Variants in MAF observed in about 807,000 individuals in gnomAD.
The protein encoded by MAF is MAF bZIP transcription factor.
In MAF, 10 loss-of-function variants were observed where a neutral mutation model predicts 22.0. That is an observed-to-expected ratio of 0.45 (90% CI 0.28 to 0.77). MAF has a LOEUF of 0.77. Among genes scored for constraint, MAF ranks in the 30% least tolerant of loss-of-function variants. The pLI, the probability that MAF is intolerant of heterozygous loss-of-function variation, is 0.12. For missense variants in MAF, 544 were observed against 548.4 expected, an observed-to-expected ratio of 0.99 and a Z score of 0.08; for synonymous variants, 337 against 255.8, an observed-to-expected ratio of 1.32 and a Z score of -3.03.
chr16:79,352,558 C>A, the MAF span, among the ~76,000 whole-genome samples: 2 of 152,192 alleles, frequency 1.3e-5, no homozygotes, highest in Non-Finnish European at 2.9e-5. Context: ...CTACATATCA[C>A]CCCAATAAAC....
the MAF span, among the ~76,000 whole-genome samples, chr16:79,539,340 TA>T: frequency 6.6e-6 from 1 of 152,122 alleles, no homozygotes; most frequent in African/African-American, 2.4e-5. Context: ...CTGTATCTGC[TA>T]AAATTACAGA....
downstream of MAF, among the ~76,000 whole-genome samples, chr16:79,581,402 G>T (rs1043700721): frequency 6.6e-6 from 1 of 152,152 alleles, no homozygotes; most frequent in Non-Finnish European, 1.5e-5. Flanking sequence ...ACTTTGCAGA[G>T]GGGGGAGTCA....
the MAF span, among the ~76,000 whole-genome samples, chr16:79,252,349 T>C: frequency 1.3e-5 from 2 of 148,766 alleles, no homozygotes; most frequent in South Asian, 2.1e-4. Flanking sequence ...ATATACTTTT[T>C]GTGTGTCACA....
the MAF span, among the ~76,000 whole-genome samples, chr16:79,338,231 T>G: frequency 6.6e-6 from 1 of 152,204 alleles, no homozygotes; most frequent in African/African-American, 2.4e-5. Context: ...GTGGAAGAAT[T>G]GCAGGTCTTC....
At chr16:79,506,620 C>G in the MAF span, among the ~76,000 whole-genome samples, 2 of 152,250 alleles carry the variant, frequency 1.3e-5, no homozygotes, top group Admixed American at 6.5e-5. Context: ...AAGGCCAAGA[C>G]CCAGAGGCAG....
chr16:79,422,043 G>T, the MAF span, among the ~76,000 whole-genome samples: 1 of 152,186 alleles, frequency 6.6e-6, no homozygotes, highest in African/African-American at 2.4e-5. Context: ...CTCCCAAAAT[G>T]CTAGGATTAC....
At chr16:79,558,049 A>T in the MAF span, among the ~76,000 whole-genome samples, 1 of 151,366 alleles carries the variant, frequency 6.6e-6, no homozygotes, top group African/African-American at 2.5e-5. Context: ...CACATTTCAG[A>T]ATGTGACACC....
chr16:79,287,730 C>A, the MAF span, among the ~76,000 whole-genome samples: 1 of 152,180 alleles, frequency 6.6e-6, no homozygotes, highest in African/African-American at 2.4e-5. Flanking sequence ...TTCACTCATT[C>A]ATTCATTCAC....
chr16:79,469,493 T>G, the MAF span, among the ~76,000 whole-genome samples: 1 of 152,208 alleles, frequency 6.6e-6, no homozygotes, highest in Non-Finnish European at 1.5e-5. Context: ...ATTGTCTACT[T>G]CATTGAACAG....
the MAF span, among the ~76,000 whole-genome samples, chr16:79,416,636 G>A: frequency 6.6e-6 from 1 of 152,160 alleles, no homozygotes; most frequent in African/African-American, 2.4e-5. Context: ...AGAAAGGAAA[G>A]ACGTGACTCA....
downstream of MAF, among the ~76,000 whole-genome samples, chr16:79,582,045 T>G (rs563018496): frequency 6.6e-6 from 1 of 152,190 alleles, no homozygotes; most frequent in Non-Finnish European, 1.5e-5. Context: ...TTTCCCACTG[T>G]CTTACTGTTG....
At chr16:79,550,051 T>C in the MAF span, among the ~76,000 whole-genome samples, 2 of 152,138 alleles carry the variant, frequency 1.3e-5, no homozygotes, top group African/African-American at 4.8e-5. Flanking sequence ...TCCATCTCTG[T>C]ATTCCAGCCA....
the MAF span, among the ~76,000 whole-genome samples, chr16:79,560,856 G>A: frequency 1.3e-5 from 2 of 152,170 alleles, no homozygotes; most frequent in Non-Finnish European, 2.9e-5. Flanking sequence ...GACGAGGTGT[G>A]GCGGGAAATA....
At chr16:79,511,972 C>A in the MAF span, among the ~76,000 whole-genome samples, 3 of 152,188 alleles carry the variant, frequency 2.0e-5, no homozygotes, top group African/African-American at 7.2e-5. Context: ...ATATATTCAA[C>A]ATCTCAGGGG....
chr16:79,460,191 C>T, the MAF span, among the ~76,000 whole-genome samples: 1 of 152,016 alleles, frequency 6.6e-6, no homozygotes, highest in African/African-American at 2.4e-5. Flanking sequence ...ATGCCTTTTA[C>T]CATGCAAAAG....
chr16:79,217,577 T>C, the MAF span, among the ~76,000 whole-genome samples: 2 of 152,244 alleles, frequency 1.3e-5, no homozygotes, highest in African/African-American at 2.4e-5. Context: ...CTGCACCTTC[T>C]CATGGACTCA....
the MAF span, among the ~76,000 whole-genome samples, chr16:79,527,438 G>A: frequency 5.4e-4 from 82 of 152,172 alleles, no homozygotes; most frequent in Non-Finnish European, 5.3e-4. Context: ...TCTTCCTGTG[G>A]GCCCAGAGGA....
chr16:79,567,024 A>T, the MAF span, among the ~76,000 whole-genome samples: 1 of 152,202 alleles, frequency 6.6e-6, no homozygotes, highest in Non-Finnish European at 1.5e-5. Flanking sequence ...CCTACAATTG[A>T]GATGCAAACA....
the MAF span, among the ~76,000 whole-genome samples, chr16:79,430,089 C>T: frequency 1.3e-5 from 2 of 152,160 alleles, no homozygotes; most frequent in East Asian, 1.9e-4. Context: ...ATTCTGGAAG[C>T]CAAAAACTGG....
Sources: gnomAD v4.1 joint callset for allele counts (sites outside exome capture counted in the v4.1 genomes callset) on GRCh38, gnomAD v4.1.1 for gene constraint, MANE v1.5 for transcripts, NCBI Gene and HGNC (gene_info 2026-07-23, HGNC 2026-07-21) for gene names.